YEATS4: variants seen among roughly 807,000 people sequenced by gnomAD.
YEATS4 encodes the protein YEATS domain-containing protein 4.
In YEATS4, 17 loss-of-function variants were observed where a neutral mutation model predicts 30.1. The observed-to-expected ratio is 0.56, with a 90% CI of 0.39 to 0.85. The LOEUF is 0.85. Ranked by LOEUF, YEATS4 falls within the 40% of genes least tolerant of loss-of-function variation. YEATS4 has a pLI of 0.00. For synonymous variants in YEATS4, 85 were observed against 87.5 expected, an observed-to-expected ratio of 0.97 and a Z score of 0.16; for missense variants, 142 against 268.3, an observed-to-expected ratio of 0.53 and a Z score of 3.29.
chr12:69,396,203 G>C, the YEATS4 span, among the ~76,000 whole-genome samples: 2 of 152,122 alleles, frequency 1.3e-5, no homozygotes, highest in Non-Finnish European at 2.9e-5. Flanking sequence ...TATTGTTGCT[G>C]TCTGAAAATT....
At chr12:69,364,120 T>G in intron 2 of YEATS4, 1 of 431,624 alleles carries the variant, frequency 2.3e-6, no homozygotes, top group Non-Finnish European at 4.6e-6. Flanking sequence ...AAAAATGTTC[T>G]AAAATTGTAG....
the YEATS4 span, among the ~76,000 whole-genome samples, chr12:69,422,484 A>G: frequency 2.4e-3 from 371 of 152,010 alleles, 2 homozygotes; most frequent in Middle Eastern, 0.01. Flanking sequence ...ATACAAAGAT[A>G]GCTGGCTGTG....
intron 4 of YEATS4, among the ~76,000 whole-genome samples, chr12:69,370,025 C>A (rs1875579997): frequency 1.3e-5 from 2 of 152,106 alleles, no homozygotes; most frequent in Admixed American, 6.5e-5. Flanking sequence ...CATTCTCTTA[C>A]AATTATGCTA....
At chr12:69,402,721 TTTTC>T in the YEATS4 span, among the ~76,000 whole-genome samples, 1 of 129,148 alleles carries the variant, frequency 7.7e-6, no homozygotes, top group South Asian at 3.0e-4. Flanking sequence ...TCTTTCTTTC[TTTTC>T]TTTTTTTTTT....
chr12:69,402,405 T>G, the YEATS4 span, among the ~76,000 whole-genome samples: 1 of 152,212 alleles, frequency 6.6e-6, no homozygotes, highest in Non-Finnish European at 1.5e-5. Context: ...AAATATATAG[T>G]ATGCTTTTTG....
chr12:69,381,208 G>A (rs911494430), intron 6 of YEATS4, among the ~76,000 whole-genome samples: 5 of 152,282 alleles, frequency 3.3e-5, no homozygotes, highest in Middle Eastern at 3.4e-3. Flanking sequence ...CGCCCCTGAA[G>A]CAGCCATTTC....
chr12:69,407,702 C>CTTTTTTT, the YEATS4 span, among the ~76,000 whole-genome samples: 156 of 62,642 alleles, frequency 2.5e-3, 1 homozygote, highest in African/African-American at 4.7e-3. Context: ...TACTTTTTGT[C>CTTTTTTT]TTTTTTTTTT....
chr12:69,395,785 C>G (rs907822618), downstream of YEATS4, among the ~76,000 whole-genome samples: 3 of 152,142 alleles, frequency 2.0e-5, no homozygotes, highest in African/African-American at 7.2e-5. Context: ...GGCCAGGACT[C>G]CTTCAGGAAC....
the YEATS4 span, among the ~76,000 whole-genome samples, chr12:69,408,353 G>A: frequency 9.8e-5 from 15 of 152,336 alleles, no homozygotes; most frequent in African/African-American, 3.4e-4. Flanking sequence ...TGTGGATGAC[G>A]GGAGAGAGAT....
At chr12:69,404,208 A>G in the YEATS4 span, among the ~76,000 whole-genome samples, 21 of 152,140 alleles carry the variant, frequency 1.4e-4, no homozygotes, top group Non-Finnish European at 2.5e-4. Context: ...AGGCACCTCA[A>G]TTGAGCATGT....
chr12:69,403,661 T>C, the YEATS4 span, among the ~76,000 whole-genome samples: 3 of 152,028 alleles, frequency 2.0e-5, no homozygotes, highest in Admixed American at 2.0e-4. Context: ...TTCTATTTAA[T>C]GTTATGCAAA....
At chr12:69,424,487 C>T in the YEATS4 span, among the ~76,000 whole-genome samples, 3 of 152,134 alleles carry the variant, frequency 2.0e-5, no homozygotes, top group African/African-American at 4.8e-5. Flanking sequence ...CTCTCCCAGA[C>T]GGAATTCATT....
intron 6 of YEATS4, among the ~76,000 whole-genome samples, chr12:69,387,471 ATTAT>A (rs1246955026): frequency 6.6e-6 from 1 of 152,164 alleles, no homozygotes; most frequent in Non-Finnish European, 1.5e-5. Flanking sequence ...TACTAAAATG[ATTAT>A]TTACAGCATA....
the YEATS4 span, among the ~76,000 whole-genome samples, chr12:69,404,853 G>A: frequency 1.3e-5 from 2 of 152,300 alleles, no homozygotes; most frequent in South Asian, 2.1e-4. Flanking sequence ...TTAGACTTGG[G>A]TGGGTGCTTA....
At position 69,390,497 on chromosome 12, in the gene YEATS4, T is replaced by C; in HGVS notation, c.*181T>C. The C allele has an allele frequency of 2.2e-6, 1 of 462,126 alleles. No individual in the cohort carries two copies. Among genetic ancestry groups the C allele is most frequent in the South Asian group, 5.0e-5 (1 of 20,084 alleles). The allele number at this position is 462,126 out of a possible 1,614,324, so 28.6% of individuals were successfully genotyped here. On this transcript the variant is annotated 3_prime_UTR_variant, in exon 7 of 7. Coordinates refer to ENST00000247843, the MANE Select transcript of YEATS4 (RefSeq NM_006530.4). ...TAAGCAATCTTTAATGGAAAATATG[T>C]GTGTAAGAATGGATGCTATATAGGT...
chr12:69,413,769 T>C, the YEATS4 span, among the ~76,000 whole-genome samples: 4 of 151,190 alleles, frequency 2.6e-5, no homozygotes, highest in African/African-American at 9.7e-5. Flanking sequence ...GGAGAATTGT[T>C]TGAACCCAGG....
chr12:69,420,986 G>C, the YEATS4 span, among the ~76,000 whole-genome samples: 2 of 152,096 alleles, frequency 1.3e-5, no homozygotes, highest in Non-Finnish European at 2.9e-5. Context: ...ACTTAATTTC[G>C]TTGACAAATA....
intron 1 of YEATS4, among the ~76,000 whole-genome samples, chr12:69,360,810 T>G (rs1357667180): frequency 6.6e-6 from 1 of 151,228 alleles, no homozygotes; most frequent in Non-Finnish European, 1.5e-5. Context: ...TGGTTCATTC[T>G]TTTTAAAGAA....
At chr12:69,399,453 C>A in the YEATS4 span, among the ~76,000 whole-genome samples, 1 of 152,326 alleles carries the variant, frequency 6.6e-6, no homozygotes, top group South Asian at 2.1e-4. Flanking sequence ...TAACACTTCA[C>A]ATCCACTAGA....
Sources: allele counts gnomAD v4.1 joint callset (sites outside exome capture counted in the v4.1 genomes callset), GRCh38; gene constraint gnomAD v4.1.1; transcripts MANE v1.5; gene names NCBI Gene and HGNC (gene_info 2026-07-23, HGNC 2026-07-21).